The following DRICH1 variants were observed in gnomAD, a reference collection of about 807,000 sequenced individuals.
The protein encoded by DRICH1 is aspartate rich 1.
In DRICH1, 38 loss-of-function variants were observed where a neutral mutation model predicts 39.5. The observed-to-expected ratio is 0.96, with a 90% CI of 0.74 to 1.26. DRICH1 has a LOEUF of 1.26. DRICH1 is among the 50% of genes most tolerant of loss of function. DRICH1 has a pLI of 0.00. For synonymous variants in DRICH1, 84 were observed against 99.5 expected, an observed-to-expected ratio of 0.84 and a Z score of 0.93; for missense variants, 279 against 270.4, an observed-to-expected ratio of 1.03 and a Z score of -0.22.
At chr22:23,591,225 A>T in the DRICH1 span, among the ~76,000 whole-genome samples, 3 of 152,120 alleles carry the variant, frequency 2.0e-5, no homozygotes, top group Non-Finnish European at 4.4e-5. Context: ...AGAAAAAGAC[A>T]CTGAGTCCCA....
chr22:23,581,893 C>T, the DRICH1 span, among the ~76,000 whole-genome samples: 30 of 151,872 alleles, frequency 2.0e-4, no homozygotes, highest in South Asian at 6.2e-4. Flanking sequence ...TGTGAGCCAC[C>T]GCGCCTGGCC....
At chr22:23,598,686 T>C in the DRICH1 span, among the ~76,000 whole-genome samples, 10 of 152,216 alleles carry the variant, frequency 6.6e-5, no homozygotes, top group Admixed American at 6.5e-4. Context: ...GGCCTTACTC[T>C]GCTCTGAGGC....
intron 1 of DRICH1, among the ~76,000 whole-genome samples, chr22:23,629,637 A>G (rs529548983): frequency 2.6e-5 from 4 of 151,768 alleles, no homozygotes; most frequent in African/African-American, 9.7e-5. Context: ...TGTTTTTGAG[A>G]CAGAGTCTCA....
At chr22:23,581,786 T>C in the DRICH1 span, among the ~76,000 whole-genome samples, 1 of 151,514 alleles carries the variant, frequency 6.6e-6, no homozygotes, top group East Asian at 2.0e-4. Context: ...TTTGTATTTT[T>C]AGTAGAGATG....
the DRICH1 span, among the ~76,000 whole-genome samples, chr22:23,599,461 T>G: frequency 9.6e-3 from 1,469 of 152,260 alleles, 17 homozygotes; most frequent in South Asian, 0.043. Context: ...CTGCCCCTAT[T>G]AAGGCCTGGC....
At chr22:23,586,704 C>T in the DRICH1 span, among the ~76,000 whole-genome samples, 26,870 of 152,038 alleles carry the variant, frequency 0.18, 2,931 homozygotes, top group Non-Finnish European at 0.25. Flanking sequence ...CCACCATGCC[C>T]GGCTAATTAT....
chr22:23,619,407 G>A lies in DRICH1; in HGVS notation c.407-14C>T. 1 of 780,236 alleles carries A rather than the reference G, an allele frequency of 1.3e-6. No homozygotes were observed. Among genetic ancestry groups the A allele is most frequent in the Non-Finnish European group, 2.4e-6 (1 of 417,652 alleles). The allele number at this position is 780,236 out of a possible 1,614,324, so 48.3% of individuals were successfully genotyped here. ...GGTAACAGCCACCTGCGGAGAAATG[G>A]AAAAGTTAATCTAAGACTTTAAGGA... is the stretch of plus-strand genomic sequence containing the variant. On this transcript the variant is annotated splice_polypyrimidine_tract_variant and intron_variant, in intron 5 of 11. Coordinates refer to ENST00000317749, the MANE Select transcript of DRICH1 (RefSeq NM_016449.4).
intron 8 of DRICH1, among the ~76,000 whole-genome samples, chr22:23,615,125 G>A (rs1555909165): frequency 6.6e-6 from 1 of 152,160 alleles, no homozygotes; most frequent in Non-Finnish European, 1.5e-5. Context: ...TGTAATCCCA[G>A]CAGTTTGGGA....
chr22:23,581,615 T>TTA, the DRICH1 span: 1 of 147,394 alleles, frequency 6.8e-6, no homozygotes, highest in Non-Finnish European at 1.5e-5. Context: ...ATCTTGACCT[T>TTA]TTTTTTTTTT....
At chr22:23,598,902 C>T in the DRICH1 span, among the ~76,000 whole-genome samples, 1 of 152,190 alleles carries the variant, frequency 6.6e-6, no homozygotes, top group Non-Finnish European at 1.5e-5. Flanking sequence ...TCGGTTTCCC[C>T]ATTTGTCAGT....
At chr22:23,585,654 A>C in the DRICH1 span, among the ~76,000 whole-genome samples, 2 of 152,080 alleles carry the variant, frequency 1.3e-5, no homozygotes, top group African/African-American at 2.4e-5. Flanking sequence ...AGTAGCTAGG[A>C]CTACAGGCAC....
intron 11 of DRICH1, among the ~76,000 whole-genome samples, chr22:23,611,768 C>T (rs918755436): frequency 3.3e-5 from 5 of 152,180 alleles, no homozygotes; most frequent in Admixed American, 6.5e-5. Context: ...CCAGTAAAGT[C>T]GTACCTGTTA....
At position 23,625,993 on chromosome 22, in the gene DRICH1, A is replaced by G. The variant is rs773081538; in HGVS notation, c.264T>C (p.Asn88=). 1.2e-6 allele frequency: 2 copies of G among 1,611,512 alleles called. No individual in the cohort carries two copies. Among genetic ancestry groups the G allele is most frequent in the Admixed American group, 1.7e-5 (1 of 59,814 alleles). The change falls in exon 2 of 12, where the codon AAT becomes AAC. Residue 88 remains asparagine (N), a synonymous_variant. Coordinates refer to ENST00000317749, the MANE Select transcript of DRICH1 (RefSeq NM_016449.4). The part of the protein sequence containing the change: ...LKFLPSSEED[N]DDAKILPSPV... ...AAGGGGGTCTTACCTTGGCATCATC[A>G]TTGTCTTCCTCACTTGATGGCAGAA...
In DRICH1 at chr22:23,608,457, G is replaced by GCACTCAGTCT; in HGVS notation, c.*297_*306dup. 2.2e-6 allele frequency: 1 copy of GCACTCAGTCT among 462,016 alleles called. No individual in the cohort carries two copies. Among genetic ancestry groups the GCACTCAGTCT allele is most frequent in the South Asian group, 4.0e-5 (1 of 25,254 alleles). The allele number at this position is 462,016 out of a possible 1,614,324, so 28.6% of individuals were successfully genotyped here. A position where few individuals can be genotyped will look rare whatever the true frequency, so the allele number is the denominator to read the frequency against. ...CAGCCACCTCTGCACCTGAATAAAT[G>GCACTCAGTCT]CACTCAGTCTCTTTATTTCAAGTGG... On this transcript the variant is annotated 3_prime_UTR_variant, in exon 12 of 12. Coordinates refer to ENST00000317749, the MANE Select transcript of DRICH1 (RefSeq NM_016449.4).
At chr22:23,582,664 C>T in the DRICH1 span, among the ~76,000 whole-genome samples, 1 of 151,916 alleles carries the variant, frequency 6.6e-6, no homozygotes, top group African/African-American at 2.4e-5. Context: ...CTCCCGGGTT[C>T]GAGCAATTCT....
At chr22:23,612,245 C>T (rs1040186081) in intron 11 of DRICH1, among the ~76,000 whole-genome samples, 2 of 151,830 alleles carry the variant, frequency 1.3e-5, no homozygotes, top group Non-Finnish European at 2.9e-5. Flanking sequence ...GCGGGCAGAT[C>T]GCCTGAGCTG....
the DRICH1 span, among the ~76,000 whole-genome samples, chr22:23,602,708 T>C: frequency 8.0e-4 from 120 of 150,678 alleles, no homozygotes; most frequent in African/African-American, 2.9e-3. Context: ...TTAGAGAAAT[T>C]TGGGGGGGGG....
At chr22:23,587,181 G>A in the DRICH1 span, among the ~76,000 whole-genome samples, 2 of 152,136 alleles carry the variant, frequency 1.3e-5, no homozygotes, top group African/African-American at 4.8e-5. Flanking sequence ...TAGCACTGCC[G>A]GGTGCCCCTC....
chr22:23,595,246 T>C, the DRICH1 span, among the ~76,000 whole-genome samples: 1 of 147,682 alleles, frequency 6.8e-6, no homozygotes, highest in African/African-American at 2.5e-5. Flanking sequence ...AGACTCCCAA[T>C]ATAAGCTCTT....
Sources: allele counts gnomAD v4.1 joint callset (sites outside exome capture counted in the v4.1 genomes callset), GRCh38; gene constraint gnomAD v4.1.1; transcripts MANE v1.5; gene names NCBI Gene and HGNC (gene_info 2026-07-23, HGNC 2026-07-21).